The following GARS1 variants were observed in gnomAD, a reference collection of about 807,000 sequenced individuals.
GARS1 encodes glycyl-tRNA synthetase 1, also known as glycine--tRNA ligase.
In GARS1, 46 loss-of-function variants were observed where a neutral mutation model predicts 86.4. The ratio of observed to expected loss-of-function variants is 0.53; its 90% confidence interval spans 0.42 to 0.68. The LOEUF (loss-of-function observed/expected upper bound fraction) is 0.68, where lower values mean the gene tolerates loss of function less well. GARS1 is among the 30% of genes least tolerant of loss of function. The pLI, the probability that GARS1 is intolerant of heterozygous loss-of-function variation, is 0.00. For missense variants in GARS1, 797 were observed against 915.6 expected (o/e 0.87, Z 1.67); for synonymous variants, 342 against 329.8 (o/e 1.04, Z -0.40).
intron 10 of GARS1, among the ~76,000 whole-genome samples, chr7:30,619,627 A>G (rs1191235029): frequency 1.3e-5 from 2 of 151,988 alleles, no homozygotes; most frequent in Non-Finnish European, 2.9e-5. Flanking sequence ...GCCAGGTTAC[A>G]TGTTTTTAGG....
chr7:30,609,398 C>T (rs1296468462), intron 6 of GARS1, among the ~76,000 whole-genome samples, 187 bp from the exon 7 acceptor site: 1 of 152,050 alleles, frequency 6.6e-6, no homozygotes, highest in Admixed American at 6.5e-5. Context: ...TTTTTTCTCT[C>T]TTGATAAATG....
At position 30,620,128 on chromosome 7, in the gene GARS1, C is replaced by CA. The variant is rs34149226; in HGVS notation, c.1360-1253dup. ...TTCCCCAAACTCTTTGGATCAAGGG[C>CA]AAAAAAAAAAAATGAATCTTCTTGA... is the stretch of plus-strand genomic sequence containing the variant. On this transcript the variant is annotated intron_variant, in intron 10 of 16. Coordinates refer to ENST00000389266, the MANE Select transcript of GARS1 (RefSeq NM_002047.4). Among the ~76,000 whole-genome samples the CA allele has an allele frequency of 1.9e-3, 281 of 148,090 alleles. 1 individual carries two copies. Among genetic ancestry groups the CA allele is most frequent in the Non-Finnish European group, 3.6e-3 (242 of 66,822 alleles).
Position 30,632,102 on chromosome 7 carries a change from A to T in GARS1, c.1904-145A>T. 1.3e-6 allele frequency: 1 copy of T among 761,384 alleles called. No homozygotes were observed. The highest frequency in any genetic ancestry group is 2.7e-5 in the East Asian group (1 of 37,206). 47.2% of individuals were successfully genotyped at this position (761,384 alleles called of 1,614,324 possible). On this transcript the variant is annotated intron_variant, in intron 15 of 16. Transcript: ENST00000389266. The surrounding 1 kb of genome is among the most constrained non-coding windows in gnomAD (Gnocchi z 4.1). The stretch of plus-strand genomic sequence containing the variant: ...GCAAGGGATTTATTAAACTTTAGGG[A>T]TATTTCTTTCTCTTGCAACTCAACT...
At chr7:30,612,857 GGGCT>G (rs1782797505) in intron 8 of GARS1, among the ~76,000 whole-genome samples, 1 of 152,036 alleles carries the variant, frequency 6.6e-6, no homozygotes, top group South Asian at 2.1e-4. Context: ...AGGCATATTG[GGGCT>G]GGTGAGTTCT....
In GARS1 at chr7:30,616,033, T is replaced by C. The variant is rs1782884032; in HGVS notation, c.1169T>C (p.Met390Thr). The C allele has an allele frequency of 6.2e-7, 1 of 1,614,166 alleles. No individual in the cohort carries two copies. The highest frequency in any genetic ancestry group is 8.5e-7 in the Non-Finnish European group (1 of 1,180,032). ...AQVSGQSARK[M>T]RLGDAVEQGV... ...GTCAGCGGACAGTCCGCTCGGAAAA[T>C]GCGCCTGGGAGATGCTGTTGAACAG... Residue 390 changes from methionine (M) to threonine (T), a missense_variant, in exon 9 of 17, where the codon ATG becomes ACG. Physicochemically the swap from Met to Thr is moderately conservative, Grantham distance 81. Transcript: ENST00000389266.
rs115248676 is a variant in GARS1, at chr7:30,595,949, A to C, written c.222+806A>C. On this transcript the variant is annotated intron_variant, in intron 1 of 16. Coordinates refer to ENST00000389266, the MANE Select transcript of GARS1 (RefSeq NM_002047.4). Reference sequence around the variant, plus strand: ...TTTCCCGAAGGTGAGGGAAGGTTTCATGGGCTGAAGGACTTGGTGATTTAA... The same window carrying C: ...TTTCCCGAAGGTGAGGGAAGGTTTCCTGGGCTGAAGGACTTGGTGATTTAA... 3,200 of 470,506 alleles carry C rather than the reference A, an allele frequency of 6.8e-3. 80 individuals carry two copies. Among genetic ancestry groups the C allele is most frequent in the African/African-American group, 0.056 (2,805 of 50,150 alleles). The allele number at this position is 470,506 out of a possible 1,614,324, so 29.1% of individuals were successfully genotyped here.
In GARS1 at chr7:30,612,139, A is replaced by C; in HGVS notation, c.925A>C (p.Lys309Gln). ...TGCACAGGGGATTTTCTTGAATTTC[A>C]AACGACTTTTGGAGTTCAACCAAGG... ...ETAQGIFLNF[K>Q]RLLEFNQGKL... Residue 309 changes from lysine (K) to glutamine (Q), a missense_variant, in exon 8 of 17, where the codon AAA becomes CAA. Lys to Gln is a moderately conservative substitution (Grantham distance 53). Transcript: ENST00000389266. 1.2e-6 allele frequency: 2 copies of C among 1,614,090 alleles called. No homozygotes were observed. The highest frequency in any genetic ancestry group is 1.7e-6 in the Non-Finnish European group (2 of 1,179,980).
At chr7:30,598,654 T>A (rs1161721331) in intron 1 of GARS1, 142 bp from the exon 2 acceptor site, 1 of 697,510 alleles carries the variant, frequency 1.4e-6, no homozygotes, top group East Asian at 2.8e-5. Flanking sequence ...AAAGTGCTGG[T>A]ATTACAGGCG....
chr7:30,609,504 G>A, intron 6 of GARS1, 81 bp from the exon 7 acceptor site: 1 of 1,207,988 alleles, frequency 8.3e-7, no homozygotes, highest in South Asian at 1.2e-5. Context: ...AGCAGTGGAT[G>A]GCTAGGGTTA....
In GARS1 at chr7:30,615,997, C is replaced by G; in HGVS notation, c.1133C>G (p.Ala378Gly). ...VADLHLYLYSAKAQVSGQSAR... is the reference protein window; with the variant it reads ...VADLHLYLYSGKAQVSGQSAR... ...GACCTTCACCTTTATTTGTATTCAG[C>G]AAAAGCCCAGGTCAGCGGACAGTCC... The change falls in exon 9 of 17, where the codon GCA (alanine) becomes GGA (glycine). Residue 378 changes from alanine (A) to glycine (G), a missense_variant. By Grantham distance (60) the Ala-to-Gly change is moderately conservative (BLOSUM62 0). Around this residue, in one of 2 missense-constraint regions of GARS1, gnomAD observed 598 missense variants for 738.7 expected, o/e 0.81. Coordinates refer to ENST00000389266, the MANE Select transcript of GARS1 (RefSeq NM_002047.4). The G allele has an allele frequency of 6.2e-7, 1 of 1,614,148 alleles. No homozygotes were observed. The highest frequency in any genetic ancestry group is 8.5e-7 in the Non-Finnish European group (1 of 1,180,026).
Position 30,626,125 on chromosome 7 carries a change from G to A in GARS1, c.1614-109G>A, listed in dbSNP as rs1783122262. The A allele has an allele frequency of 4.4e-6, 3 of 680,004 alleles. No individual in the cohort carries two copies. In the South Asian group the frequency reaches 4.9e-5, roughly 11 times the overall value. The allele number at this position is 680,004 out of a possible 1,614,324, so 42.1% of individuals were successfully genotyped here. A position where few individuals can be genotyped will look rare whatever the true frequency, so the allele number is the denominator to read the frequency against. The stretch of plus-strand genomic sequence containing the variant: ...CATCACTTATTATATCTGGAGAGTT[G>A]ATCAAGTTATAAAAAGAAAAAACAA... On this transcript the variant is annotated intron_variant, in intron 12 of 16. Transcript: ENST00000389266.
At chr7:30,620,701 T>C (rs1009019007) in intron 10 of GARS1, among the ~76,000 whole-genome samples, 2 of 152,238 alleles carry the variant, frequency 1.3e-5, no homozygotes, top group Non-Finnish European at 2.9e-5. Flanking sequence ...TTGTGTGACC[T>C]GAACTTTACC....
At position 30,632,953 on chromosome 7, in the gene GARS1, C is replaced by T. The variant is rs1241162445; in HGVS notation, c.2094+516C>T. ...GGTAAGGGAAAGGAAAGAGTAGCTG[C>T]TTTAATTGACATCTGCCTGCCTAAT... is the stretch of plus-strand genomic sequence containing the variant. On this transcript the variant is annotated intron_variant, in intron 16 of 16. Coordinates refer to ENST00000389266, the MANE Select transcript of GARS1 (RefSeq NM_002047.4). The surrounding 1 kb of genome is among the most constrained non-coding windows in gnomAD (Gnocchi z 4.1). 6.6e-5 allele frequency among the ~76,000 whole-genome samples: 10 copies of T among 152,188 alleles called. No homozygotes were observed. The East Asian group carries it at 1.9e-3, about 29-fold the overall frequency.
chr7:30,615,469 G>A (rs1395201699), intron 8 of GARS1, among the ~76,000 whole-genome samples: 1 of 152,064 alleles, frequency 6.6e-6, no homozygotes, highest in African/African-American at 2.4e-5. Flanking sequence ...TTTTGCGTAT[G>A]TTTTCCTAAT....
At chr7:30,621,632 C>G in intron 11 of GARS1, 132 bp downstream of exon 11, 1 of 769,078 alleles carries the variant, frequency 1.3e-6, no homozygotes, top group Admixed American at 1.8e-5. Flanking sequence ...CTTGTTTAAA[C>G]CTATTATTTT....
intron 6 of GARS1, 51 bp downstream of exon 6, chr7:30,603,623 C>G (rs746792524): frequency 2.3e-6 from 3 of 1,299,994 alleles, no homozygotes; most frequent in Non-Finnish European, 3.3e-6. Context: ...CGCTGTCCTT[C>G]TTTCAGTGTT....
At chr7:30,596,498 C>A (rs1482661863) in intron 1 of GARS1, among the ~76,000 whole-genome samples, 2 of 151,390 alleles carry the variant, frequency 1.3e-5, no homozygotes, top group Non-Finnish European at 2.9e-5. Flanking sequence ...AAAAAAAAAA[C>A]CACCACACCC....
chr7:30,607,185 C>G (rs1791501727), intron 6 of GARS1, among the ~76,000 whole-genome samples: 1 of 152,186 alleles, frequency 6.6e-6, no homozygotes, highest in South Asian at 2.1e-4. Context: ...ATGCCATCAG[C>G]TAGATATGCA....
intron 11 of GARS1, 183 bp from the exon 12 acceptor site, chr7:30,622,134 T>C: frequency 1.5e-6 from 1 of 658,906 alleles, no homozygotes; most frequent in Non-Finnish European, 2.6e-6. Flanking sequence ...TAATTTTGGA[T>C]GAGAGTTGTC....
Sources: allele counts gnomAD v4.1 joint callset (sites outside exome capture counted in the v4.1 genomes callset), GRCh38; gene constraint gnomAD v4.1.1; regional missense constraint gnomAD v4.1.1; non-coding constraint Gnocchi (gnomAD v3.1); transcripts MANE v1.5; gene names NCBI Gene and HGNC (gene_info 2026-07-23, HGNC 2026-07-21).